The following ERC2 variants were observed in gnomAD, a reference collection of about 807,000 sequenced individuals.
ERC2 encodes ELKS/RAB6-interacting/CAST family member 2.
In ERC2, 42 loss-of-function variants were observed where a neutral mutation model predicts 114.8. The ratio of observed to expected loss-of-function variants is 0.37; its 90% CI spans 0.29 to 0.47. The LOEUF (loss-of-function observed/expected upper bound fraction) is 0.47. Among genes scored for constraint, ERC2 ranks in the 20% least tolerant of loss-of-function variants. The pLI, the probability that ERC2 is intolerant of heterozygous loss-of-function variation, is 0.99. For synonymous variants in ERC2, 454 were observed against 425.5 expected, an observed-to-expected ratio of 1.07 and a Z score of -0.82; for missense variants, 939 against 1,150.7, an observed-to-expected ratio of 0.82 and a Z score of 2.66.
chr3:55,600,732 C>T (rs898758228), intron 17 of ERC2, among the ~76,000 whole-genome samples: 3 of 152,198 alleles, frequency 2.0e-5, no homozygotes, highest in African/African-American at 7.2e-5. Context: ...TCCCAGAGAG[C>T]AGGGGAGCTC....
chr3:56,170,534 A>G (rs1274672973), intron 4 of ERC2, among the ~76,000 whole-genome samples: 2 of 151,908 alleles, frequency 1.3e-5, no homozygotes, highest in Non-Finnish European at 2.9e-5. Flanking sequence ...AAAAAGCAAG[A>G]AACAAATAGG....
intron 7 of ERC2, among the ~76,000 whole-genome samples, chr3:56,060,264 G>T (rs1173278446): frequency 5.3e-5 from 8 of 152,138 alleles, no homozygotes; most frequent in Non-Finnish European, 1.2e-4. Flanking sequence ...ACAGATAATG[G>T]TTAAGAGTAA....
At chr3:55,974,950 C>A (rs1422743852) in intron 12 of ERC2, among the ~76,000 whole-genome samples, 1 of 152,180 alleles carries the variant, frequency 6.6e-6, no homozygotes, top group Non-Finnish European at 1.5e-5. Flanking sequence ...AAAAAGTAGT[C>A]CCTATGGTCC....
chr3:56,378,851 T>C lies in ERC2; in HGVS notation c.657+55500A>G, dbSNP rs547149135. ...CAGAGGCACTGTGATTTGGCAGATG[T>C]ACCTCCATTCGAGAACCCTGGCCTC... On this transcript the variant is annotated intron_variant, in intron 2 of 17. Coordinates refer to ENST00000288221, the MANE Select transcript of ERC2 (RefSeq NM_015576.3). 2.6e-5 allele frequency among the ~76,000 whole-genome samples: 4 copies of C among 152,200 alleles called. No individual in the cohort carries two copies. In the South Asian group the frequency reaches 6.2e-4, roughly 24 times the overall value.
Position 55,677,933 on chromosome 3 carries a change from C to A in ERC2, c.*39+5861G>T, listed in dbSNP as rs980670792. On this transcript the variant is annotated intron_variant, in intron 17 of 17. Transcript: ENST00000288221. ...CTTTGTTCACTACCTTGACTCAGTACTGAGATGTATATCCAGTACATCTCC... is the reference window on the plus strand; with the variant it reads ...CTTTGTTCACTACCTTGACTCAGTAATGAGATGTATATCCAGTACATCTCC... Among the ~76,000 whole-genome samples, 3 of 152,136 alleles carry A rather than the reference C, an allele frequency of 2.0e-5. No individual in the cohort carries two copies. The East Asian group carries it at 5.8e-4, about 29-fold the overall frequency.
At chr3:55,778,488 A>C (rs895105390) in intron 14 of ERC2, among the ~76,000 whole-genome samples, 1 of 152,196 alleles carries the variant, frequency 6.6e-6, no homozygotes, top group African/African-American at 2.4e-5. Context: ...AGGTCTTTTC[A>C]AAAGACAGGA....
chr3:55,837,049 A>G (rs1227672098), intron 14 of ERC2, among the ~76,000 whole-genome samples: 1 of 152,220 alleles, frequency 6.6e-6, no homozygotes, highest in Non-Finnish European at 1.5e-5. Flanking sequence ...TCAAAACCAC[A>G]ATGAGATACC....
chr3:56,260,507 A>C (rs1033985858), intron 3 of ERC2, among the ~76,000 whole-genome samples: 1 of 152,226 alleles, frequency 6.6e-6, no homozygotes, highest in Non-Finnish European at 1.5e-5. Flanking sequence ...AAGCTCAAGC[A>C]GCCCTTCTGT....
At chr3:55,612,140 G>C (rs2058931237) in intron 17 of ERC2, among the ~76,000 whole-genome samples, 1 of 152,226 alleles carries the variant, frequency 6.6e-6, no homozygotes, top group South Asian at 2.1e-4. Context: ...ACACTTCCTA[G>C]TTTCAGCTGG....
At chr3:56,272,116 C>T (rs79886538) in intron 3 of ERC2, among the ~76,000 whole-genome samples, 1,617 of 152,266 alleles carry the variant, frequency 0.011, 26 homozygotes, top group African/African-American at 0.037. Flanking sequence ...AATTAACGCT[C>T]ACACTTGGGA....
chr3:56,346,155 T>G (rs1294296559), intron 2 of ERC2, among the ~76,000 whole-genome samples: 1 of 152,190 alleles, frequency 6.6e-6, no homozygotes, highest in Non-Finnish European at 1.5e-5. Flanking sequence ...AGGAATTCAG[T>G]GTAACACTTT....
chr3:56,287,741 C>T (rs557459459), intron 3 of ERC2, among the ~76,000 whole-genome samples: 85 of 152,330 alleles, frequency 5.6e-4, no homozygotes, highest in African/African-American at 1.9e-3. Flanking sequence ...GTACTTCAAT[C>T]GGCAAGTCCA....
chr3:55,858,631 C>T (rs2061891862), intron 14 of ERC2, among the ~76,000 whole-genome samples: 1 of 152,204 alleles, frequency 6.6e-6, no homozygotes, highest in African/African-American at 2.4e-5. Context: ...TCAGAAGAAA[C>T]ATTTTGATTC....
chr3:56,215,059 C>G (rs1180426538), intron 3 of ERC2, among the ~76,000 whole-genome samples: 1 of 152,108 alleles, frequency 6.6e-6, no homozygotes, highest in Non-Finnish European at 1.5e-5. Flanking sequence ...TAAAGACCAT[C>G]GAGGCTAGGA....
chr3:56,202,923 G>T (rs537592369), intron 3 of ERC2, among the ~76,000 whole-genome samples: 1 of 152,246 alleles, frequency 6.6e-6, no homozygotes, highest in East Asian at 1.9e-4. Context: ...TGATGAATAT[G>T]GTAAGCTCAA....
intron 14 of ERC2, among the ~76,000 whole-genome samples, chr3:55,805,676 C>A (rs1412592222): frequency 6.6e-6 from 1 of 151,844 alleles, no homozygotes; most frequent in East Asian, 1.9e-4. Context: ...TTCACAACAA[C>A]AACAAAGATA....
Position 55,936,410 on chromosome 3 carries a change from T to C in ERC2, c.2403+14015A>G, listed in dbSNP as rs948049087. The stretch of plus-strand genomic sequence containing the variant: ...AGGGATGATGGACAAAGTGCCTATG[T>C]GCTCATGGGAAAGACAGATAAGTAT... On this transcript the variant is annotated intron_variant, in intron 13 of 17. Transcript: ENST00000288221. Among the ~76,000 whole-genome samples the C allele has an allele frequency of 2.0e-5, 3 of 152,364 alleles. 1 individual carries two copies. Among genetic ancestry groups the C allele is most frequent in the South Asian group, 4.1e-4 (2 of 4,828 alleles).
intron 14 of ERC2, among the ~76,000 whole-genome samples, chr3:55,755,427 C>T (rs952544596): frequency 6.6e-6 from 1 of 152,140 alleles, no homozygotes; most frequent in African/African-American, 2.4e-5. Flanking sequence ...AGAGCACTTG[C>T]TAACTAGAAG....
chr3:56,342,668 T>TG (rs1219896287), intron 2 of ERC2, among the ~76,000 whole-genome samples: 19 of 152,190 alleles, frequency 1.2e-4, no homozygotes, highest in African/African-American at 4.6e-4. Flanking sequence ...AACTGTCACA[T>TG]GATTCTGCCA....
Sources: allele counts gnomAD v4.1 joint callset (sites outside exome capture counted in the v4.1 genomes callset), GRCh38; gene constraint gnomAD v4.1.1; transcripts MANE v1.5; gene names NCBI Gene and HGNC (gene_info 2026-07-23, HGNC 2026-07-21).